CR2: variants seen among roughly 807,000 people sequenced by gnomAD.
The protein encoded by CR2 is complement C3d receptor 2.
A neutral mutation model predicts 123.0 loss-of-function variants in CR2; 96 were observed. That is an observed-to-expected ratio of 0.78 (90% CI 0.66 to 0.93). The LOEUF is 0.93. Among genes scored for constraint, CR2 ranks in the 40% least tolerant of loss-of-function variants. The pLI is 0.00. For synonymous variants in CR2, 484 were observed against 469.5 expected (o/e 1.03, Z -0.40); for missense variants, 1,258 against 1,361.0 (o/e 0.92, Z 1.19).
chr1:207,472,678 A>C (rs1658314118), intron 9 of CR2, 94 bp from the exon 10 acceptor site: 1 of 1,329,000 alleles, frequency 7.5e-7, no homozygotes, highest in Admixed American at 1.7e-5. Flanking sequence ...CGTCCAGGAA[A>C]CAACAGATTC....
chr1:207,460,657 C>G (rs1354663553), intron 1 of CR2, among the ~76,000 whole-genome samples: 2 of 152,054 alleles, frequency 1.3e-5, no homozygotes, highest in Non-Finnish European at 2.9e-5. Context: ...AACTTGAGCT[C>G]GTTCTCATAC....
In CR2 at chr1:207,471,459, A is replaced by G; in HGVS notation, c.1530A>G (p.Gln510=). 1.2e-6 allele frequency: 2 copies of G among 1,613,152 alleles called. No individual in the cohort carries two copies. Among genetic ancestry groups the G allele is most frequent in the Non-Finnish European group, 8.5e-7 (1 of 1,179,210 alleles). The change falls in exon 9 of 20, where the codon CAA becomes CAG. Residue 510 remains glutamine, a synonymous_variant. Transcript: ENST00000367057. ...KLSGSVYQEC[Q]GTIPWFMEIR... ...GTGGGAGTGTTTATCAGGAGTGTCA[A>G]GGCACAATTCCTTGGTTTATGGAGA...
At chr1:207,477,792 G>C (rs1307368275) in intron 15 of CR2, 93 bp from the exon 16 acceptor site, 1 of 1,022,628 alleles carries the variant, frequency 9.8e-7, no homozygotes, top group Non-Finnish European at 1.5e-6. Flanking sequence ...GAAACAGGTT[G>C]GTTTTATAAA....
At chr1:207,473,303 A>T (rs145439527) in intron 10 of CR2, 124 bp downstream of exon 10, 1 of 1,215,846 alleles carries the variant, frequency 8.2e-7, no homozygotes, top group Non-Finnish European at 1.2e-6. Context: ...TGTTTCTTCC[A>T]TCCTATAATA....
chr1:207,471,370 C>A (rs1297880362), intron 8 of CR2, 53 bp from the exon 9 acceptor site: 1 of 1,379,990 alleles, frequency 7.2e-7, no homozygotes, highest in Non-Finnish European at 1.0e-6. Context: ...ATGGCTCTTG[C>A]CTAACTTAAT....
At chr1:207,484,968 G>A (rs1658708870) in intron 18 of CR2, among the ~76,000 whole-genome samples, 2 of 152,164 alleles carry the variant, frequency 1.3e-5, no homozygotes, top group African/African-American at 4.8e-5. Context: ...GCTGCTTAGT[G>A]TCAGCCTCTG....
chr1:207,477,959 G>A lies in CR2; in HGVS notation c.2977G>A (p.Gly993Arg). The A allele has an allele frequency of 1.2e-6, 2 of 1,614,058 alleles. No homozygotes were observed. Among genetic ancestry groups the A allele is most frequent in the Non-Finnish European group, 8.5e-7 (1 of 1,179,976 alleles). ...GLEPRKMYQY[G>R]AVVTLECEDG... ...GGAACCAAGGAAAATGTATCAGTAT[G>A]GAGCTGTTGTAACTCTGGAGTGTGA... is the stretch of plus-strand genomic sequence containing the variant. The change falls in exon 16 of 20, where the codon GGA becomes AGA. Residue 993 changes from glycine to arginine, a missense_variant. By Grantham distance (125) the Gly-to-Arg change is moderately radical. Transcript: ENST00000367057.
At position 207,485,464 on chromosome 1, in the gene CR2, C is replaced by G. The variant is rs1658723123; in HGVS notation, c.3189C>G (p.Arg1063=). The G allele has an allele frequency of 6.3e-7, 1 of 1,579,676 alleles. No individual in the cohort carries two copies. The highest frequency in any genetic ancestry group is 8.7e-7 in the Non-Finnish European group (1 of 1,148,844). ...CATTTTTCTTTCTTCTTCTGTTTAGCAATTATTATACAGATACAAGCCAGA... is the reference window on the plus strand; with the variant it reads ...CATTTTTCTTTCTTCTTCTGTTTAGGAATTATTATACAGATACAAGCCAGA... ...TLYVISKHRA[R]NYYTDTSQKE... The change falls in exon 19 of 20, where the codon CGC becomes CGG. Residue 1063 remains arginine (R), a splice_region_variant and synonymous_variant. Transcript: ENST00000367057.
At chr1:207,488,153 C>A (rs1197601052) in intron 19 of CR2, among the ~76,000 whole-genome samples, 2 of 152,270 alleles carry the variant, frequency 1.3e-5, no homozygotes, top group East Asian at 1.9e-4. Flanking sequence ...GTCTTTCATG[C>A]CTTCTCTTAC....
intron 13 of CR2, 72 bp downstream of exon 13, chr1:207,474,395 T>C (rs1385089319): frequency 9.0e-6 from 10 of 1,116,846 alleles, no homozygotes; most frequent in Admixed American, 5.1e-5. Context: ...GAAGAATTAG[T>C]CTACTGCTGC....
Position 207,476,390 on chromosome 1 carries a change from C to T in CR2, c.2873C>T (p.Thr958Ile), listed in dbSNP as rs762306518. Residue 958 changes from threonine (T) to isoleucine (I), a missense_variant, in exon 15 of 20, where the codon ACC becomes ATC. Coordinates refer to ENST00000367057, the MANE Select transcript of CR2 (RefSeq NM_001006658.3). ...EALLLCTHEGTWSQPAPHCKE... is the reference protein window; with the variant it reads ...EALLLCTHEGIWSQPAPHCKE... ...CTCCTTCTTTGCACACATGAGGGAACCTGGAGCCAACCTGCCCCTCATTGT... is the reference window on the plus strand; with the variant it reads ...CTCCTTCTTTGCACACATGAGGGAATCTGGAGCCAACCTGCCCCTCATTGT... 8.1e-6 allele frequency: 13 copies of T among 1,613,620 alleles called. No homozygotes were observed. The Admixed American group carries it at 1.8e-4, about 23-fold the overall frequency.
intron 19 of CR2, among the ~76,000 whole-genome samples, chr1:207,488,482 G>T (rs1293859956): frequency 6.6e-6 from 1 of 152,108 alleles, no homozygotes; most frequent in Non-Finnish European, 1.5e-5. Flanking sequence ...AAATTAGCTG[G>T]GTTTGATGGC....
intron 1 of CR2, 53 bp from the exon 2 acceptor site, chr1:207,466,473 A>G: frequency 6.2e-7 from 1 of 1,600,154 alleles, no homozygotes; most frequent in Middle Eastern, 1.7e-4. Context: ...CTACATTTGA[A>G]TATTTTCTCA....
At position 207,469,244 on chromosome 1, in the gene CR2, A is replaced by C; in HGVS notation, c.817+12A>C. On this transcript the variant is annotated intron_variant, in intron 5 of 19. Transcript: ENST00000367057. ...GCCAGTATGTGAAGGTAGGCTAGGC[A>C]ACTATGGTCTGACAGCACTGCATTC... The C allele has an allele frequency of 6.2e-7, 1 of 1,608,168 alleles. No homozygotes were observed. Among genetic ancestry groups the C allele is most frequent in the Non-Finnish European group, 8.5e-7 (1 of 1,174,626 alleles).
In CR2 at chr1:207,473,559, C is replaced by T; in HGVS notation, c.1993C>T (p.Pro665Ser). 6.2e-7 allele frequency: 1 copy of T among 1,613,800 alleles called. No homozygotes were observed. The highest frequency in any genetic ancestry group is 8.5e-7 in the Non-Finnish European group (1 of 1,179,770). ...TTTCTCTTCAGGCTGCCAGTCACCT[C>T]CTGGGCTCCACCATGGTCGTCATAC... The part of the protein sequence containing the change: ...PVCEKGCQSP[P>S]GLHHGRHTGG... The change falls in exon 11 of 20, where the codon CCT (proline) becomes TCT (serine). Residue 665 changes from proline to serine, a missense_variant. By Grantham distance (74) the Pro-to-Ser change is moderately conservative. Transcript: ENST00000367057.
In CR2 at chr1:207,468,535, C is replaced by T; in HGVS notation, c.454C>T (p.Leu152Phe). The change falls in exon 3 of 20, where the codon CTC becomes TTC. Residue 152 changes from leucine (L) to phenylalanine (F), a missense_variant. Coordinates refer to ENST00000367057, the MANE Select transcript of CR2 (RefSeq NM_001006658.3). ...RLPTCVSVFP[L>F]ECPALPMIHN... Reference sequence around the variant, plus strand: ...GGTATGTGTGTGTAAAGTTTTCCCTCTCGAGTGTCCAGCACTTCCTATGAT... The same window carrying T: ...GGTATGTGTGTGTAAAGTTTTCCCTTTCGAGTGTCCAGCACTTCCTATGAT... 3 of 1,613,908 alleles carry T rather than the reference C, an allele frequency of 1.9e-6. No homozygotes were observed. Among genetic ancestry groups the T allele is most frequent in the Non-Finnish European group, 2.5e-6 (3 of 1,179,900 alleles).
At chr1:207,460,664 A>T (rs1310459703) in intron 1 of CR2, among the ~76,000 whole-genome samples, 1 of 152,116 alleles carries the variant, frequency 6.6e-6, no homozygotes, top group African/African-American at 2.4e-5. Context: ...GCTCGTTCTC[A>T]TACATAGAAA....
intron 16 of CR2, 90 bp from the exon 17 acceptor site, chr1:207,479,167 G>C: frequency 1.9e-6 from 2 of 1,029,162 alleles, no homozygotes; most frequent in Non-Finnish European, 3.1e-6. Context: ...CTAGAGTGTT[G>C]ATTTCTGGGA....
intron 18 of CR2, among the ~76,000 whole-genome samples, 186 bp downstream of exon 18, chr1:207,480,239 C>T (rs557710008): frequency 6.6e-6 from 1 of 152,244 alleles, no homozygotes; most frequent in East Asian, 1.9e-4. Context: ...AAACACTTAG[C>T]TTATTTTATT....
Sources: allele counts gnomAD v4.1 joint callset (sites outside exome capture counted in the v4.1 genomes callset), GRCh38; gene constraint gnomAD v4.1.1; transcripts MANE v1.5; gene names NCBI Gene and HGNC (gene_info 2026-07-23, HGNC 2026-07-21).